SI: variants seen among roughly 807,000 people sequenced by gnomAD.
SI encodes the protein sucrase-isomaltase.
Under a neutral mutation model 253.3 loss-of-function variants are expected in SI, and 235 were observed. That is an observed-to-expected ratio of 0.93 (90% CI 0.83 to 1.03). SI has a LOEUF of 1.03. Among genes scored for constraint, SI ranks in the 50% least tolerant of loss-of-function variants. The pLI is 0.00. For synonymous variants in SI, 819 were observed against 712.0 expected, an observed-to-expected ratio of 1.15 and a Z score of -2.39; for missense variants, 2,442 against 2,211.1, an observed-to-expected ratio of 1.10 and a Z score of -2.09.
At chr3:164,996,324 G>T (rs976150511) in intron 40 of SI, among the ~76,000 whole-genome samples, 2 of 151,644 alleles carry the variant, frequency 1.3e-5, no homozygotes, top group Non-Finnish European at 2.9e-5. Flanking sequence ...TGCTTATTTA[G>T]ATATTGGCTC....
At chr3:165,047,571 A>G (rs1426743808) in intron 15 of SI, among the ~76,000 whole-genome samples, 1 of 152,104 alleles carries the variant, frequency 6.6e-6, no homozygotes, top group African/African-American at 2.4e-5. Flanking sequence ...GGTAAAATAC[A>G]GTGAAAAGGA....
Position 165,059,292 on chromosome 3 carries a change from T to C in SI, c.1154A>G (p.Gln385Arg), listed in dbSNP as rs1279685520. Residue 385 changes from glutamine (Q) to arginine (R), a missense_variant, in exon 11 of 48, where the codon CAG becomes CGG. By Grantham distance (43) the Gln-to-Arg change is conservative. Coordinates refer to ENST00000264382, the MANE Select transcript of SI (RefSeq NM_001041.4). ...NREAGIPFDT[Q>R]VTDIDYMEDK... Reference sequence around the variant, plus strand: ...TTCCATGTAGTCAATATCAGTGACCTGTGTATCCTGAAAGTTAGAAGATTG... The same window carrying C: ...TTCCATGTAGTCAATATCAGTGACCCGTGTATCCTGAAAGTTAGAAGATTG... 3 of 1,612,256 alleles carry C rather than the reference T, an allele frequency of 1.9e-6. No individual in the cohort carries two copies. The highest frequency in any genetic ancestry group is 2.5e-6 in the Non-Finnish European group (3 of 1,178,738).
intron 13 of SI, among the ~76,000 whole-genome samples, chr3:165,052,549 G>A (rs1489024294): frequency 2.6e-5 from 4 of 152,078 alleles, no homozygotes; most frequent in African/African-American, 9.6e-5. Flanking sequence ...CCAGCTCCTC[G>A]GGAGGCTGAG....
Position 165,007,906 on chromosome 3 carries a change from T to C in SI, c.4267+5A>G. On this transcript the variant is annotated splice_donor_5th_base_variant and intron_variant, in intron 36 of 47. Transcript: ENST00000264382. Reference sequence around the variant, plus strand: ...AATATCAAAGGCATACCAACAATATTGTACCTGGGAAATAAGGTGGATAAT... The same window carrying C: ...AATATCAAAGGCATACCAACAATATCGTACCTGGGAAATAAGGTGGATAAT... 1 of 1,503,132 alleles carries C rather than the reference T, an allele frequency of 6.7e-7. No individual in the cohort carries two copies. The highest frequency in any genetic ancestry group is 1.1e-5 in the South Asian group (1 of 88,532). 93.1% of individuals were successfully genotyped at this position (1,503,132 alleles called of 1,614,324 possible).
rs537069984 is a variant in SI, at chr3:164,979,222, C to T, written c.*140G>A. The T allele has an allele frequency of 7.9e-4, 538 of 681,832 alleles. 5 individuals are homozygous for T. Among genetic ancestry groups the T allele is most frequent in the South Asian group, 6.5e-3 (419 of 64,468 alleles). 42.2% of individuals were successfully genotyped at this position (681,832 alleles called of 1,614,324 possible). ...TAAAATTAGCATTATCATTGATGTA[C>T]GCTACAAAATAACTTTTCGATGTTA... is the stretch of plus-strand genomic sequence containing the variant. On this transcript the variant is annotated 3_prime_UTR_variant, in exon 48 of 48. Coordinates refer to ENST00000264382, the MANE Select transcript of SI (RefSeq NM_001041.4).
rs762854920 is a variant in SI at position 165,063,555 on chromosome 3, A to T, written c.808-14T>A. 4.5e-5 allele frequency: 51 copies of T among 1,130,468 alleles called. No individual in the cohort carries two copies. The highest frequency in any genetic ancestry group is 6.7e-5 in the Non-Finnish European group (50 of 748,430). 70.0% of individuals were successfully genotyped at this position (1,130,468 alleles called of 1,614,324 possible). ...ATTATTATTATTCTATAAGGCAAGA[A>T]TTTGAAAATACGATTTTCAAATATG... On this transcript the variant is annotated splice_polypyrimidine_tract_variant and intron_variant, in intron 7 of 47. Transcript: ENST00000264382.
At position 165,032,532 on chromosome 3, in the gene SI, G is replaced by A. The variant is rs1576898002; in HGVS notation, c.2726C>T (p.Ala909Val). The A allele has an allele frequency of 1.2e-6, 2 of 1,601,470 alleles. No homozygotes were observed. Among genetic ancestry groups the A allele is most frequent in the Non-Finnish European group, 1.7e-6 (2 of 1,170,396 alleles). Residue 909 changes from alanine to valine, a missense_variant, in exon 24 of 48, where the codon GCT becomes GTT. Coordinates refer to ENST00000264382, the MANE Select transcript of SI (RefSeq NM_001041.4). Reference sequence around the variant, plus strand: ...AAAGATTGTAATTACCTGGTTAGAAGCATCATAAGTGAAATTGGAATGAGC... The same window carrying A: ...AAAGATTGTAATTACCTGGTTAGAAACATCATAAGTGAAATTGGAATGAGC... Reference protein sequence around the residue: ...MNAHSNFTYDASNQVLLIADL... With the variant: ...MNAHSNFTYDVSNQVLLIADL...
intron 33 of SI, among the ~76,000 whole-genome samples, chr3:165,014,290 C>T (rs1308716855): frequency 6.6e-6 from 1 of 152,048 alleles, no homozygotes; most frequent in Non-Finnish European, 1.5e-5. Flanking sequence ...GCTCTGTCCC[C>T]CAGGCTGGAG....
At chr3:164,987,255 C>T (rs551211593) in intron 44 of SI, 29 bp from the exon 45 acceptor site, 2 of 1,575,194 alleles carry the variant, frequency 1.3e-6, no homozygotes, top group African/African-American at 1.3e-5. Context: ...TAATTTTACC[C>T]ATGTTTGTAG....
At chr3:164,998,740 G>GACT in intron 37 of SI, 67 bp from the exon 38 acceptor site, 1 of 1,312,084 alleles carries the variant, frequency 7.6e-7, no homozygotes, top group South Asian at 1.2e-5. Flanking sequence ...ATCTACTTAC[G>GACT]ACTACTTTGT....
chr3:165,065,574 A>G (rs1404045635), intron 6 of SI, 142 bp from the exon 7 acceptor site: 1 of 196,770 alleles, frequency 5.1e-6, no homozygotes, highest in Non-Finnish European at 9.7e-6. Flanking sequence ...AGCTTTGGTC[A>G]CTTCTTAGAA....
At chr3:164,992,056 A>G (rs1482315940) in intron 43 of SI, 121 bp downstream of exon 43, 3 of 841,272 alleles carry the variant, frequency 3.6e-6, no homozygotes, top group Admixed American at 1.8e-5. Context: ...TACCGGAAAT[A>G]TGTTACTTTC....
intron 7 of SI, 151 bp from the exon 8 acceptor site, chr3:165,063,692 A>T (rs1415262817): frequency 2.2e-6 from 1 of 454,332 alleles, no homozygotes; most frequent in Non-Finnish European, 4.0e-6. Context: ...GTACCAGTGA[A>T]ATATTATAGG....
At position 164,982,359 on chromosome 3, in the gene SI, T is replaced by C; in HGVS notation, c.5299A>G (p.Thr1767Ala). 1 of 1,612,784 alleles carries C rather than the reference T, an allele frequency of 6.2e-7. No homozygotes were observed. The stretch of plus-strand genomic sequence containing the variant: ...CATACATGAAGGGATCCAAGCCTCG[T>C]TTCACTTTTATTTATGTAACCTCTC... ...LKRGYINKSETRLGSLHVWGK... is the reference protein window; with the variant it reads ...LKRGYINKSEARLGSLHVWGK... The change falls in exon 47 of 48, where the codon ACG (threonine) becomes GCG (alanine). Residue 1767 changes from threonine (T) to alanine (A), a missense_variant. Physicochemically the swap from Thr to Ala is moderately conservative, Grantham distance 58 (BLOSUM62 0). Transcript: ENST00000264382.
intron 6 of SI, among the ~76,000 whole-genome samples, chr3:165,066,364 C>A (rs1245110510): frequency 1.3e-5 from 2 of 151,942 alleles, no homozygotes; most frequent in East Asian, 3.9e-4. Context: ...TAATGGGATA[C>A]AATATGATGT....
At chr3:165,034,538 T>G (rs935433276) in intron 22 of SI, among the ~76,000 whole-genome samples, 1 of 151,980 alleles carries the variant, frequency 6.6e-6, no homozygotes, top group South Asian at 2.1e-4. Flanking sequence ...GCTTACTACA[T>G]AAGCCAGAGA....
intron 34 of SI, among the ~76,000 whole-genome samples, chr3:165,011,118 A>G (rs544917175): frequency 6.6e-6 from 1 of 152,040 alleles, no homozygotes; most frequent in Admixed American, 6.6e-5. Flanking sequence ...TTTTTCTTTT[A>G]ATTTTTACTC....
intron 38 of SI, 87 bp downstream of exon 38, chr3:164,998,453 C>T (rs1320874883): frequency 7.2e-7 from 1 of 1,396,236 alleles, no homozygotes; most frequent in South Asian, 1.2e-5. Flanking sequence ...ATTCTGAGGA[C>T]TTATAAATGT....
At chr3:165,010,266 T>C (rs933001009) in intron 34 of SI, among the ~76,000 whole-genome samples, 1 of 152,052 alleles carries the variant, frequency 6.6e-6, no homozygotes, top group Non-Finnish European at 1.5e-5. Context: ...CTCAAGGGAT[T>C]CTCCTGCCTC....
Sources: allele counts gnomAD v4.1 joint callset (sites outside exome capture counted in the v4.1 genomes callset), GRCh38; gene constraint gnomAD v4.1.1; transcripts MANE v1.5; gene names NCBI Gene and HGNC (gene_info 2026-07-23, HGNC 2026-07-21).